The following S100PBP variants were observed in gnomAD, a reference collection of about 807,000 sequenced individuals.
The protein encoded by S100PBP is S100P-binding protein.
S100PBP carries 15 observed loss-of-function variants against 39.9 expected under a neutral mutation model. The observed-to-expected ratio is 0.38, with a 90% CI of 0.25 to 0.58. The LOEUF (loss-of-function observed/expected upper bound fraction) is 0.58, where lower values mean the gene tolerates loss of function less well. Among genes scored for constraint, S100PBP ranks in the 20% least tolerant of loss-of-function variants. The pLI, the probability that S100PBP is intolerant of heterozygous loss-of-function variation, is 0.70. For synonymous variants in S100PBP, 178 were observed against 180.3 expected (o/e 0.99, Z 0.10); for missense variants, 504 against 487.3 (o/e 1.03, Z -0.32).
chr1:32,853,578 A>G lies in S100PBP; in HGVS notation c.1112+412A>G, dbSNP rs79963191. ...ATTGTTTAATTCAAGAGGCAGGGGG[A>G]AAAAGTGATGCAGTATAATGGAATA... On this transcript the variant is annotated intron_variant, in intron 6 of 6. Coordinates refer to ENST00000373475, the MANE Select transcript of S100PBP (RefSeq NM_022753.4). Among the ~76,000 whole-genome samples, 397 of 151,730 alleles carry G rather than the reference A, an allele frequency of 2.6e-3. 19 individuals carry two copies. The East Asian group carries it at 0.049, about 19-fold the overall frequency.
intron 5 of S100PBP, among the ~76,000 whole-genome samples, chr1:32,843,856 G>A (rs1484492950): frequency 6.6e-6 from 1 of 152,046 alleles, no homozygotes; most frequent in African/African-American, 2.4e-5. Context: ...CCAAAGTGGT[G>A]GGATTACAGG....
intron 5 of S100PBP, among the ~76,000 whole-genome samples, chr1:32,845,427 C>A (rs188494818): frequency 3.0e-4 from 46 of 151,812 alleles, no homozygotes; most frequent in Non-Finnish European, 5.9e-4. Flanking sequence ...CGGAGTGAGA[C>A]CCTGTCTCAA....
chr1:32,829,369 C>T (rs1442006634), intron 4 of S100PBP, among the ~76,000 whole-genome samples: 1 of 152,184 alleles, frequency 6.6e-6, no homozygotes, highest in Non-Finnish European at 1.5e-5. Flanking sequence ...TTGAATTACT[C>T]AATAAATACT....
At chr1:32,824,584 A>G (rs1639236951) in intron 1 of S100PBP, among the ~76,000 whole-genome samples, 2 of 149,980 alleles carry the variant, frequency 1.3e-5, no homozygotes, top group Admixed American at 6.6e-5. Context: ...TTCTTTTGAG[A>G]CAGGGTCTTG....
Position 32,857,682 on chromosome 1 carries a change from G to A in S100PBP, c.*1644G>A, listed in dbSNP as rs1281728620. On this transcript the variant is annotated 3_prime_UTR_variant, in exon 7 of 7. Transcript: ENST00000373475. The stretch of plus-strand genomic sequence containing the variant: ...GTTGCAGTCTGGCATTTGTGCTATT[G>A]TTCATTCTCTGTGAAGGCTGTTCAT... 1.3e-5 allele frequency: 2 copies of A among 152,178 alleles called. No individual in the cohort carries two copies. Among genetic ancestry groups the A allele is most frequent in the South Asian group, 2.1e-4 (1 of 4,824 alleles). 9.4% of individuals were successfully genotyped at this position (152,178 alleles called of 1,614,324 possible). A position where few individuals can be genotyped will look rare whatever the true frequency, so the allele number is the denominator to read the frequency against.
At chr1:32,845,926 A>G (rs1640351543) in intron 5 of S100PBP, among the ~76,000 whole-genome samples, 1 of 146,302 alleles carries the variant, frequency 6.8e-6, no homozygotes, top group African/African-American at 2.5e-5. Flanking sequence ...TGATCTATCC[A>G]CCTCGGCCTC....
chr1:32,825,804 G>T (rs181929307), intron 2 of S100PBP, among the ~76,000 whole-genome samples: 1 of 152,128 alleles, frequency 6.6e-6, no homozygotes, highest in Non-Finnish European at 1.5e-5. Flanking sequence ...ACAAAATATC[G>T]TACTGACTTA....
intron 1 of S100PBP, among the ~76,000 whole-genome samples, chr1:32,824,129 C>T (rs1185065101): frequency 2.7e-5 from 4 of 150,228 alleles, no homozygotes; most frequent in South Asian, 2.1e-4. Context: ...ACCTGGGAGG[C>T]GGAGCTTGCA....
chr1:32,840,442 C>G (rs1201414193), intron 5 of S100PBP, among the ~76,000 whole-genome samples: 1 of 152,030 alleles, frequency 6.6e-6, no homozygotes, highest in Non-Finnish European at 1.5e-5. Context: ...TACAACCTCC[C>G]CCTCCTGGGT....
chr1:32,826,866 A>G lies in S100PBP; in HGVS notation c.767A>G (p.Asn256Ser). The G allele has an allele frequency of 1.9e-6, 3 of 1,612,404 alleles. No homozygotes were observed. The highest frequency in any genetic ancestry group is 2.7e-5 in the African/African-American group (2 of 74,972). The stretch of plus-strand genomic sequence containing the variant: ...CCTAATATGGAGTTATCCTGCAGAA[A>G]TGGTGGTTCACACAAGTCAAGTTGT... The part of the protein sequence containing the change: ...ETPNMELSCR[N>S]GGSHKSSCEM... The change falls in exon 3 of 7, where the codon AAT becomes AGT. Residue 256 changes from asparagine (N) to serine (S), a missense_variant. Coordinates refer to ENST00000373475, the MANE Select transcript of S100PBP (RefSeq NM_022753.4).
At chr1:32,846,427 T>C (rs1055779809) in intron 5 of S100PBP, among the ~76,000 whole-genome samples, 2 of 152,042 alleles carry the variant, frequency 1.3e-5, no homozygotes, top group Admixed American at 6.6e-5. Flanking sequence ...ACATTTAATG[T>C]ACAATCCCAT....
Position 32,829,990 on chromosome 1 carries a change from C to G in S100PBP, c.947C>G (p.Ser316Ter). The change falls in exon 5 of 7, where the codon TCA becomes TGA. Residue 316 changes from serine to a stop codon, truncating the protein, a stop_gained. Transcript: ENST00000373475. LOFTEE classifies it high-confidence loss of function. ...TRTNVPTFSQ[S>*]NLEQQKQLYL... The stretch of plus-strand genomic sequence containing the variant: ...ACTAATGTTCCGACGTTTTCACAGT[C>G]AAATCTAGAACAGCAGAAGCAGCTT... 6.2e-7 allele frequency: 1 copy of G among 1,613,846 alleles called. No homozygotes were observed. Among genetic ancestry groups the G allele is most frequent in the East Asian group, 2.2e-5 (1 of 44,870 alleles).
At chr1:32,825,139 TC>T (rs1639268471) in intron 1 of S100PBP, 173 bp from the exon 2 acceptor site, 1 of 152,166 alleles carries the variant, frequency 6.6e-6, no homozygotes, top group South Asian at 2.1e-4. Context: ...AATTTTTTTT[TC>T]TTTGAAGATT....
chr1:32,825,270 T>A (rs1639274096), intron 1 of S100PBP, 43 bp from the exon 2 acceptor site: 1 of 152,188 alleles, frequency 6.6e-6, no homozygotes, highest in Non-Finnish European at 1.5e-5. Flanking sequence ...TTAGCAGAGT[T>A]GAAAGTGATG....
At chr1:32,841,763 A>T (rs1173301663) in intron 5 of S100PBP, among the ~76,000 whole-genome samples, 1 of 148,770 alleles carries the variant, frequency 6.7e-6, no homozygotes, top group Non-Finnish European at 1.5e-5. Context: ...ATTACGGATT[A>T]TGCTTTCATG....
intron 3 of S100PBP, among the ~76,000 whole-genome samples, chr1:32,827,230 A>G (rs1639370380): frequency 6.6e-6 from 1 of 152,190 alleles, no homozygotes; most frequent in South Asian, 2.1e-4. Flanking sequence ...TAATGAAATA[A>G]TGTATTTATA....
intron 5 of S100PBP, among the ~76,000 whole-genome samples, chr1:32,833,297 G>A (rs985400703): frequency 4.6e-5 from 7 of 151,950 alleles, no homozygotes; most frequent in African/African-American, 7.3e-5. Context: ...ATAACTTCTA[G>A]TGGTAGTTCC....
chr1:32,841,753 A>G lies in S100PBP; in HGVS notation c.1025-11326A>G, dbSNP rs557041598. Among the ~76,000 whole-genome samples, 1,052 of 147,302 alleles carry G rather than the reference A, an allele frequency of 7.1e-3. 14 individuals carry two copies. Among genetic ancestry groups the G allele is most frequent in the African/African-American group, 0.025 (983 of 39,238 alleles). On this transcript the variant is annotated intron_variant, in intron 5 of 6. Coordinates refer to ENST00000373475, the MANE Select transcript of S100PBP (RefSeq NM_022753.4). ...TCAAAAAAAAAAAAAAAAAAAAAAAATTACGGATTATGCTTTCATGTGGTA... is the reference window on the plus strand; with the variant it reads ...TCAAAAAAAAAAAAAAAAAAAAAAAGTTACGGATTATGCTTTCATGTGGTA...
In S100PBP at chr1:32,828,010, G is replaced by C. The variant is rs1378666259; in HGVS notation, c.849G>C (p.Lys283Asn). The change falls in exon 4 of 7, where the codon AAG becomes AAC. Residue 283 changes from lysine (K) to asparagine (N), a missense_variant. Coordinates refer to ENST00000373475, the MANE Select transcript of S100PBP (RefSeq NM_022753.4). ...CAAAAAAGCAGGATGTTCTTAACAA[G>C]GATTCTGGGAAGATGAAAGGCCATG... ...TSSNKQDVLNKDSGKMKGHER... is the reference protein window; with the variant it reads ...TSSNKQDVLNNDSGKMKGHER... The C allele has an allele frequency of 6.2e-7, 1 of 1,610,814 alleles. No individual in the cohort carries two copies. Among genetic ancestry groups the C allele is most frequent in the East Asian group, 2.2e-5 (1 of 44,742 alleles).
Sources: allele counts gnomAD v4.1 joint callset (sites outside exome capture counted in the v4.1 genomes callset), GRCh38; gene constraint gnomAD v4.1.1; transcripts MANE v1.5; gene names NCBI Gene and HGNC (gene_info 2026-07-23, HGNC 2026-07-21).